Variants in IL6ST observed in about 807,000 individuals in gnomAD.
The protein encoded by IL6ST is interleukin-6 receptor subunit beta.
IL6ST carries 24 observed loss-of-function variants against 91.3 expected under a neutral mutation model. The ratio of observed to expected loss-of-function variants is 0.26; its 90% CI spans 0.19 to 0.37. IL6ST has a LOEUF of 0.37. Among genes scored for constraint, IL6ST ranks in the 10% least tolerant of loss-of-function variants. The pLI is 1.00. For missense variants in IL6ST, 914 were observed against 1,078.5 expected (o/e 0.85, Z 2.14); for synonymous variants, 351 against 373.6 (o/e 0.94, Z 0.70).
intron 3 of IL6ST, among the ~76,000 whole-genome samples, chr5:55,971,817 T>C (rs1752982826): frequency 6.6e-6 from 1 of 152,282 alleles, no homozygotes; most frequent in Middle Eastern, 3.4e-3. Context: ...GCAGTCAAAA[T>C]TGTATCCCCA....
Position 55,935,905 on chromosome 5 carries a change from A to T in IL6ST, c.*5177T>A, listed in dbSNP as rs567458190. Reference sequence around the variant, plus strand: ...GACTGTATCTATCATACACATTAGGATAAGATGAGCCACCACACCTTAAAG... The same window carrying T: ...GACTGTATCTATCATACACATTAGGTTAAGATGAGCCACCACACCTTAAAG... On this transcript the variant is annotated 3_prime_UTR_variant, in exon 17 of 17. Transcript: ENST00000381298. The T allele has an allele frequency of 5.5e-5, 12 of 219,172 alleles. No homozygotes were observed. The highest frequency in any genetic ancestry group is 9.1e-6 in the Non-Finnish European group (1 of 109,318). 13.6% of individuals were successfully genotyped at this position (219,172 alleles called of 1,614,324 possible).
chr5:55,981,738 T>C (rs1357443539), intron 2 of IL6ST, among the ~76,000 whole-genome samples: 3 of 152,248 alleles, frequency 2.0e-5, no homozygotes, highest in Non-Finnish European at 4.4e-5. Flanking sequence ...TTTAAAATTA[T>C]ATTAATAGCA....
rs1453055390 is a variant in IL6ST, at chr5:55,963,514, A to G, written c.659-8T>C. On this transcript the variant is annotated splice_region_variant and splice_polypyrimidine_tract_variant and intron_variant, in intron 6 of 16. Transcript: ENST00000381298. ...GTGGCGGATTGGGCTTCACTGAAAA[A>G]TAAAATAAATCCTAAGGTTTATTAT... The G allele has an allele frequency of 1.9e-6, 3 of 1,597,280 alleles. No homozygotes were observed. The highest frequency in any genetic ancestry group is 2.6e-6 in the Non-Finnish European group (3 of 1,169,998).
At chr5:55,957,525 G>C (rs773164717) in intron 8 of IL6ST, among the ~76,000 whole-genome samples, 1 of 152,072 alleles carries the variant, frequency 6.6e-6, no homozygotes, top group Non-Finnish European at 1.5e-5. Context: ...AAATTGTAAA[G>C]GTAAAAATGT....
At chr5:55,984,240 T>C (rs1015947564) in intron 1 of IL6ST, among the ~76,000 whole-genome samples, 1 of 152,232 alleles carries the variant, frequency 6.6e-6, no homozygotes, top group Non-Finnish European at 1.5e-5. Context: ...GGATTTGGCT[T>C]ATGGGCTATA....
intron 11 of IL6ST, among the ~76,000 whole-genome samples, chr5:55,954,125 C>T (rs1751816580): frequency 6.6e-6 from 1 of 152,120 alleles, no homozygotes; most frequent in African/African-American, 2.4e-5. Context: ...ACATGTAAGT[C>T]CAAACAGCCT....
intron 1 of IL6ST, chr5:55,994,193 T>C (rs187379479): frequency 6.6e-6 from 1 of 151,464 alleles, no homozygotes; most frequent in African/African-American, 2.4e-5. Context: ...AAAGTTTAGG[T>C]CGGAGGAGGT....
intron 1 of IL6ST, among the ~76,000 whole-genome samples, chr5:55,987,507 G>A (rs1754039552): frequency 6.6e-6 from 1 of 152,128 alleles, no homozygotes; most frequent in Non-Finnish European, 1.5e-5. Context: ...CAAAGTGTCA[G>A]AAAACTAAGA....
intron 14 of IL6ST, chr5:55,950,348 C>A (rs1284541126): frequency 1.2e-5 from 4 of 334,708 alleles, no homozygotes; most frequent in Non-Finnish European, 2.4e-5. Flanking sequence ...ACCATCCCAG[C>A]CAACATGGTG....
At chr5:55,977,001 C>T (rs1236769921) in intron 2 of IL6ST, among the ~76,000 whole-genome samples, 2 of 152,100 alleles carry the variant, frequency 1.3e-5, no homozygotes, top group Non-Finnish European at 2.9e-5. Flanking sequence ...CACAATAAGA[C>T]TTATACTCAA....
At chr5:55,976,624 A>G (rs1194914543) in intron 2 of IL6ST, among the ~76,000 whole-genome samples, 1 of 152,230 alleles carries the variant, frequency 6.6e-6, no homozygotes, top group Non-Finnish European at 1.5e-5. Context: ...AACTCACCAT[A>G]ATATGTATCC....
At chr5:55,958,738 C>T (rs1485824505) in intron 8 of IL6ST, among the ~76,000 whole-genome samples, 1 of 150,910 alleles carries the variant, frequency 6.6e-6, no homozygotes, top group Non-Finnish European at 1.5e-5. Flanking sequence ...ATGTTGGGGG[C>T]TGAGGCATGA....
rs370724076 is a variant in IL6ST, at chr5:55,940,135, A to ATATGTGTGTGTG, written c.*946_*947insCACACACACATA. 924 of 164,522 alleles carry ATATGTGTGTGTG rather than the reference A, an allele frequency of 5.6e-3. 4 individuals are homozygous for ATATGTGTGTGTG. Among genetic ancestry groups the ATATGTGTGTGTG allele is most frequent in the African/African-American group, 0.019 (525 of 27,800 alleles). The allele number at this position is 164,522 out of a possible 1,614,324, so 10.2% of individuals were successfully genotyped here. On this transcript the variant is annotated 3_prime_UTR_variant, in exon 17 of 17. Coordinates refer to ENST00000381298, the MANE Select transcript of IL6ST (RefSeq NM_002184.4). ...AGAAAAGTCAATGATATGTGTGTGTATATATATATATATATATACACACAT... is the reference window on the plus strand; with the variant it reads ...AGAAAAGTCAATGATATGTGTGTGTATATGTGTGTGTGTATATATATATATATATACACACAT...
At chr5:55,988,502 C>T (rs757925128) in intron 1 of IL6ST, among the ~76,000 whole-genome samples, 25 of 151,498 alleles carry the variant, frequency 1.7e-4, no homozygotes, top group Admixed American at 4.6e-4. Context: ...CGCGGTGGCT[C>T]ACGCCTATAA....
At chr5:55,949,326 C>T (rs925771332) in intron 14 of IL6ST, among the ~76,000 whole-genome samples, 7 of 152,018 alleles carry the variant, frequency 4.6e-5, no homozygotes, top group Non-Finnish European at 1.0e-4. Context: ...ATTGTTTTAA[C>T]TAGCCAGGCA....
chr5:55,974,767 T>G (rs936501013), intron 3 of IL6ST, among the ~76,000 whole-genome samples: 9 of 152,152 alleles, frequency 5.9e-5, no homozygotes, highest in Admixed American at 2.6e-4. Flanking sequence ...ATTACTGGCA[T>G]GAGCCACCAT....
At chr5:55,972,381 G>A (rs371401772) in intron 3 of IL6ST, among the ~76,000 whole-genome samples, 44 of 151,674 alleles carry the variant, frequency 2.9e-4, no homozygotes, top group African/African-American at 9.7e-4. Flanking sequence ...GCGTGGTGGC[G>A]GGCGCCTGTA....
chr5:55,936,728 G>C lies in IL6ST; in HGVS notation c.*4354C>G, dbSNP rs184487656. ...TAATAGAACATTTAATATAACATTTGGAGTTATGTCAACATAAAAATAGCT... is the reference window on the plus strand; with the variant it reads ...TAATAGAACATTTAATATAACATTTCGAGTTATGTCAACATAAAAATAGCT... On this transcript the variant is annotated 3_prime_UTR_variant, in exon 17 of 17. Coordinates refer to ENST00000381298, the MANE Select transcript of IL6ST (RefSeq NM_002184.4). 5.2e-6 allele frequency: 1 copy of C among 191,792 alleles called. No individual in the cohort carries two copies. The highest frequency in any genetic ancestry group is 6.1e-5 in the Admixed American group (1 of 16,356). 11.9% of individuals were successfully genotyped at this position (191,792 alleles called of 1,614,324 possible).
In IL6ST at chr5:55,989,381, C is replaced by T. The variant is rs573492519; in HGVS notation, c.-104+5403G>A. ...AAGCAAAAAAGAAAAAAAAGAACCC[C>T]ATTTCATCAGACAAAAAGACACACA... On this transcript the variant is annotated intron_variant, in intron 1 of 16. Coordinates refer to ENST00000381298, the MANE Select transcript of IL6ST (RefSeq NM_002184.4). Among the ~76,000 whole-genome samples, 5 of 152,230 alleles carry T rather than the reference C, an allele frequency of 3.3e-5. No individual in the cohort carries two copies. The South Asian group carries it at 8.3e-4, about 25-fold the overall frequency.
Sources: gnomAD v4.1 joint callset for allele counts (sites outside exome capture counted in the v4.1 genomes callset) on GRCh38, gnomAD v4.1.1 for gene constraint, MANE v1.5 for transcripts, NCBI Gene and HGNC (gene_info 2026-07-23, HGNC 2026-07-21) for gene names.